The following SLC28A3 variants were observed in gnomAD, a reference collection of about 807,000 sequenced individuals.
The protein encoded by SLC28A3 is solute carrier family 28 member 3.
A neutral mutation model predicts 84.2 loss-of-function variants in SLC28A3; 68 were observed. That is an observed-to-expected ratio of 0.81 (90% CI 0.66 to 0.99). The LOEUF (loss-of-function observed/expected upper bound fraction) is 0.99, where lower values mean the gene tolerates loss of function less well. Ranked by LOEUF, SLC28A3 falls within the 50% of genes least tolerant of loss-of-function variation. The pLI, the probability that SLC28A3 is intolerant of heterozygous loss-of-function variation, is 0.00. For missense variants in SLC28A3, 712 were observed against 841.5 expected, an observed-to-expected ratio of 0.85 and a Z score of 1.90; for synonymous variants, 267 against 303.6, an observed-to-expected ratio of 0.88 and a Z score of 1.25.
At chr9:84,314,517 C>A (rs1826100858) in intron 1 of SLC28A3, among the ~76,000 whole-genome samples, 1 of 152,108 alleles carries the variant, frequency 6.6e-6, no homozygotes. Flanking sequence ...CTCTGACTGG[C>A]CCCAGGAATC....
At chr9:84,352,905 A>C in the SLC28A3 span, among the ~76,000 whole-genome samples, 1,194 of 151,286 alleles carry the variant, frequency 7.9e-3, 20 homozygotes, top group African/African-American at 0.027. Flanking sequence ...AAAAAAAAAA[A>C]AAAAAAAAAA....
At chr9:84,330,227 C>G (rs1187665015) in intron 1 of SLC28A3, among the ~76,000 whole-genome samples, 1 of 151,510 alleles carries the variant, frequency 6.6e-6, no homozygotes, top group Non-Finnish European at 1.5e-5. Flanking sequence ...ATAAACCTCC[C>G]AACAAGGAAA....
At chr9:84,333,738 T>A (rs576072333) in intron 1 of SLC28A3, among the ~76,000 whole-genome samples, 8 of 152,308 alleles carry the variant, frequency 5.3e-5, no homozygotes, top group African/African-American at 1.7e-4. Context: ...AATCTGACAC[T>A]ATCAGCAAAG....
At chr9:84,356,627 C>T in the SLC28A3 span, among the ~76,000 whole-genome samples, 351 of 152,146 alleles carry the variant, frequency 2.3e-3, 1 homozygote, top group African/African-American at 8.0e-3. Flanking sequence ...GTTAGGAATT[C>T]GAGACCAGCC....
In SLC28A3 at chr9:84,279,872, T is replaced by A; in HGVS notation, c.1828+103A>T. The A allele has an allele frequency of 3.7e-6, 4 of 1,092,774 alleles. No individual in the cohort carries two copies. In the South Asian group the frequency reaches 5.8e-5, roughly 16 times the overall value. The allele number at this position is 1,092,774 out of a possible 1,614,324, so 67.7% of individuals were successfully genotyped here. On this transcript the variant is annotated intron_variant, in intron 16 of 17. Coordinates refer to ENST00000376238, the MANE Select transcript of SLC28A3 (RefSeq NM_001199633.2). ...TAAGAGCAGCTCTAACTCTCAGCTT[T>A]CTGTGGCAGCGTGTGCTGCACATGC...
At chr9:84,320,600 T>C (rs982418935) in intron 1 of SLC28A3, among the ~76,000 whole-genome samples, 1 of 152,220 alleles carries the variant, frequency 6.6e-6, no homozygotes, top group African/African-American at 2.4e-5. Flanking sequence ...CCTGGGGCTC[T>C]GTCCAACAAA....
intron 3 of SLC28A3, among the ~76,000 whole-genome samples, chr9:84,306,253 T>G (rs759191025): frequency 6.6e-6 from 1 of 152,100 alleles, no homozygotes; most frequent in Non-Finnish European, 1.5e-5. Flanking sequence ...CCATTTCTCC[T>G]CCCGTATAGA....
rs1234064442 is a variant in SLC28A3 at position 84,286,054 on chromosome 9, C to G, written c.1338G>C (p.Leu446=). 1.2e-6 allele frequency: 2 copies of G among 1,613,958 alleles called. No individual in the cohort carries two copies. Among genetic ancestry groups the G allele is most frequent in the African/African-American group, 1.3e-5 (1 of 74,874 alleles). The stretch of plus-strand genomic sequence containing the variant: ...TCAGATTCACAGCGATGTTGGCCAC[C>G]AGGGAGATGGAGGAGGATGCTCCCT... ...ATQGASSSIS[L]VANIAVNLIA... The change falls in exon 13 of 18, where the codon CTG becomes CTC. Residue 446 remains leucine, a synonymous_variant. Transcript: ENST00000376238.
chr9:84,329,385 C>T (rs1274923311), intron 1 of SLC28A3, among the ~76,000 whole-genome samples: 1 of 152,158 alleles, frequency 6.6e-6, no homozygotes, highest in Non-Finnish European at 1.5e-5. Flanking sequence ...TAGACATATA[C>T]AGAACACTCC....
At chr9:84,286,525 G>A (rs1480164083) in intron 12 of SLC28A3, among the ~76,000 whole-genome samples, 1 of 146,688 alleles carries the variant, frequency 6.8e-6, no homozygotes, top group Non-Finnish European at 1.5e-5. Flanking sequence ...GGGCTTAAGC[G>A]ATCCTCTTAT....
intron 1 of SLC28A3, among the ~76,000 whole-genome samples, chr9:84,326,487 T>G (rs1372432668): frequency 6.6e-6 from 1 of 152,206 alleles, no homozygotes; most frequent in Non-Finnish European, 1.5e-5. Flanking sequence ...TGCAGCCTAC[T>G]CTCTGAAGTT....
At chr9:84,325,499 A>C (rs1232147672) in intron 1 of SLC28A3, among the ~76,000 whole-genome samples, 2 of 152,242 alleles carry the variant, frequency 1.3e-5, no homozygotes, top group African/African-American at 4.8e-5. Flanking sequence ...TTTTGCCATG[A>C]ATGAGACTTT....
the SLC28A3 span, among the ~76,000 whole-genome samples, chr9:84,346,006 C>T: frequency 6.6e-5 from 10 of 152,148 alleles, no homozygotes; most frequent in Non-Finnish European, 1.3e-4. Flanking sequence ...TTAAACAATT[C>T]CCCAGTCATG....
At chr9:84,351,267 A>T in the SLC28A3 span, among the ~76,000 whole-genome samples, 1 of 152,190 alleles carries the variant, frequency 6.6e-6, no homozygotes, top group African/African-American at 2.4e-5. Flanking sequence ...CAGCTCCATT[A>T]TAATCTTATG....
chr9:84,355,780 TATC>T, the SLC28A3 span, among the ~76,000 whole-genome samples: 1 of 152,044 alleles, frequency 6.6e-6, no homozygotes, highest in Non-Finnish European at 1.5e-5. Context: ...CATTAGCTAT[TATC>T]ATTGTAAGTG....
At chr9:84,328,881 C>T (rs1199121652) in intron 1 of SLC28A3, among the ~76,000 whole-genome samples, 1 of 151,924 alleles carries the variant, frequency 6.6e-6, no homozygotes, top group Non-Finnish European at 1.5e-5. Flanking sequence ...TGAGCCATGA[C>T]TGCCCTAATA....
chr9:84,288,171 G>C lies in SLC28A3; in HGVS notation c.1157C>G (p.Ser386Cys). 2 of 1,614,028 alleles carry C rather than the reference G, an allele frequency of 1.2e-6. No homozygotes were observed. Among genetic ancestry groups the C allele is most frequent in the Non-Finnish European group, 8.5e-7 (1 of 1,179,904 alleles). Residue 386 changes from serine (S) to cysteine (C), a missense_variant, in exon 12 of 18, where the codon TCC becomes TGC. By Grantham distance (112) the Ser-to-Cys change is moderately radical. Transcript: ENST00000376238. The stretch of plus-strand genomic sequence containing the variant: ...AACTGACGCTGTTAACAAGTGGGAG[G>C]ATGGAACCTGCAATTTCAGAAGAAA... ...LGAYISFGVP[S>C]SHLLTASVMS...
In SLC28A3 at chr9:84,340,556, G is replaced by A. The variant is rs1229051712; in HGVS notation, c.60+18C>T. 1.5e-5 allele frequency: 24 copies of A among 1,614,066 alleles called. No homozygotes were observed. The highest frequency in any genetic ancestry group is 1.9e-5 in the Non-Finnish European group (23 of 1,179,926). On this transcript the variant is annotated intron_variant, in intron 1 of 17. Coordinates refer to ENST00000376238, the MANE Select transcript of SLC28A3 (RefSeq NM_001199633.2). The stretch of plus-strand genomic sequence containing the variant: ...TTTCCACTGAAGGCCTTTAACATAA[G>A]AGGAAAGCTCTGCTCACCTGGAAGC...
At chr9:84,310,346 G>T in intron 2 of SLC28A3, 1 of 939,648 alleles carries the variant, frequency 1.1e-6, no homozygotes, top group Non-Finnish European at 1.3e-6. Flanking sequence ...AATCTTTCTA[G>T]GTACAGTTTG....
Sources: allele counts gnomAD v4.1 joint callset (sites outside exome capture counted in the v4.1 genomes callset), GRCh38; gene constraint gnomAD v4.1.1; transcripts MANE v1.5; gene names NCBI Gene and HGNC (gene_info 2026-07-23, HGNC 2026-07-21).